Variants in PRORP observed in about 807,000 individuals in gnomAD.
PRORP encodes mitochondrial ribonuclease P catalytic subunit.
In PRORP, 51 loss-of-function variants were observed where a neutral mutation model predicts 59.4. That is an observed-to-expected ratio of 0.86 (90% CI 0.69 to 1.08). PRORP has a LOEUF of 1.08. Ranked by LOEUF, PRORP falls within the 50% of genes least tolerant of loss-of-function variation. The probability of loss-of-function intolerance (pLI) is 0.00; values close to 1 mark genes in which losing one functional copy is unlikely to be tolerated. For missense variants in PRORP, 646 were observed against 690.3 expected, an observed-to-expected ratio of 0.94 and a Z score of 0.72; for synonymous variants, 231 against 245.6, an observed-to-expected ratio of 0.94 and a Z score of 0.55.
chr14:35,159,830 A>G (rs1403281826), intron 4 of PRORP, among the ~76,000 whole-genome samples: 1 of 152,202 alleles, frequency 6.6e-6, no homozygotes, highest in African/African-American at 2.4e-5. Flanking sequence ...TCAGACCCAC[A>G]TCTTTGGACT....
At chr14:35,187,456 C>T (rs2139067775) in intron 5 of PRORP, among the ~76,000 whole-genome samples, 2 of 142,628 alleles carry the variant, frequency 1.4e-5, no homozygotes, top group East Asian at 2.1e-4. Flanking sequence ...GATGGAGTCT[C>T]ACTGTCACCG....
intron 5 of PRORP, among the ~76,000 whole-genome samples, chr14:35,256,869 C>CTTTTTTTTTTTT (rs71121272): frequency 7.3e-6 from 1 of 136,896 alleles, no homozygotes; most frequent in Non-Finnish European, 1.6e-5. Flanking sequence ...TGATAAAATC[C>CTTTTTTTTTTTT]TTTTTTTTTT....
chr14:35,189,013 A>G (rs963519656), intron 5 of PRORP, among the ~76,000 whole-genome samples: 2 of 150,428 alleles, frequency 1.3e-5, no homozygotes, highest in African/African-American at 2.4e-5. Flanking sequence ...GTTTCTTCTA[A>G]GAGTTTTATA....
At chr14:35,258,437 A>G (rs753541983) in intron 5 of PRORP, among the ~76,000 whole-genome samples, 5 of 152,238 alleles carry the variant, frequency 3.3e-5, no homozygotes, top group African/African-American at 4.8e-5. Flanking sequence ...TCAAGGAAAA[A>G]TAATTTTGTG....
At chr14:35,197,715 A>T (rs571833707) in intron 5 of PRORP, among the ~76,000 whole-genome samples, 17 of 152,142 alleles carry the variant, frequency 1.1e-4, no homozygotes, top group Non-Finnish European at 2.4e-4. Context: ...GATACTCCTT[A>T]TTGGTATATT....
At chr14:35,255,994 G>T (rs1315338013) in intron 5 of PRORP, among the ~76,000 whole-genome samples, 2 of 151,886 alleles carry the variant, frequency 1.3e-5, no homozygotes, top group African/African-American at 4.8e-5. Flanking sequence ...AACAAGAAAA[G>T]ATTTTATCAG....
chr14:35,185,313 G>C (rs932683548), intron 5 of PRORP, among the ~76,000 whole-genome samples: 11 of 152,080 alleles, frequency 7.2e-5, no homozygotes, highest in African/African-American at 2.7e-4. Flanking sequence ...TTGGCCACAT[G>C]TTTGTCTTCT....
At chr14:35,225,720 C>G (rs1362139796) in intron 5 of PRORP, among the ~76,000 whole-genome samples, 1 of 151,924 alleles carries the variant, frequency 6.6e-6, no homozygotes, top group East Asian at 1.9e-4. Context: ...AACTGTACAA[C>G]CTGTCTAATC....
At chr14:35,202,024 C>T (rs968900821) in intron 5 of PRORP, among the ~76,000 whole-genome samples, 4 of 149,786 alleles carry the variant, frequency 2.7e-5, no homozygotes, top group African/African-American at 9.9e-5. Flanking sequence ...GGCTGGAGTG[C>T]AGTGGTGTGA....
chr14:35,202,775 A>G (rs1177018107), intron 5 of PRORP, among the ~76,000 whole-genome samples: 1 of 152,088 alleles, frequency 6.6e-6, no homozygotes, highest in African/African-American at 2.4e-5. Context: ...GACAACAGGC[A>G]TGTGCCGCCA....
chr14:35,200,578 G>C (rs2049123542), intron 5 of PRORP, among the ~76,000 whole-genome samples: 2 of 151,752 alleles, frequency 1.3e-5, no homozygotes, highest in South Asian at 4.2e-4. Flanking sequence ...TAAAATTAGT[G>C]TTATATTATT....
chr14:35,244,800 T>C (rs2050446005), intron 5 of PRORP, among the ~76,000 whole-genome samples: 1 of 152,144 alleles, frequency 6.6e-6, no homozygotes, highest in South Asian at 2.1e-4. Flanking sequence ...CCTGCTAACT[T>C]CTTCTTCCCC....
chr14:35,190,768 G>C (rs908365301), intron 5 of PRORP, among the ~76,000 whole-genome samples: 1 of 152,096 alleles, frequency 6.6e-6, no homozygotes, highest in African/African-American at 2.4e-5. Context: ...CTCCCTAAGT[G>C]CTGGGATTAC....
chr14:35,212,730 T>C (rs2139175929), intron 5 of PRORP, among the ~76,000 whole-genome samples: 1 of 152,284 alleles, frequency 6.6e-6, no homozygotes, highest in South Asian at 2.1e-4. Context: ...CCCTAGGATT[T>C]TTGGACTGGT....
At chr14:35,124,302 C>G (rs1201327668) in intron 2 of PRORP, 71 bp downstream of exon 2, 2 of 1,065,186 alleles carry the variant, frequency 1.9e-6, no homozygotes, top group Admixed American at 3.0e-5. Context: ...GGGTCTTGCT[C>G]TGTTGCCCAG....
chr14:35,183,237 C>T (rs2048661925), intron 5 of PRORP, among the ~76,000 whole-genome samples: 1 of 151,826 alleles, frequency 6.6e-6, no homozygotes, highest in Non-Finnish European at 1.5e-5. Flanking sequence ...CACACACACA[C>T]ACGCACACAC....
At chr14:35,132,160 G>T (rs1458241410) in intron 4 of PRORP, among the ~76,000 whole-genome samples, 1 of 151,528 alleles carries the variant, frequency 6.6e-6, no homozygotes, top group Non-Finnish European at 1.5e-5. Flanking sequence ...TTTATCCGTT[G>T]AAGGTTGGAT....
At chr14:35,172,097 G>A (rs919641921) in intron 4 of PRORP, among the ~76,000 whole-genome samples, 3 of 147,660 alleles carry the variant, frequency 2.0e-5, no homozygotes, top group African/African-American at 5.0e-5. Flanking sequence ...TGCCCAAGCT[G>A]GAGTACAGTG....
At chr14:35,132,450 C>T (rs2047268177) in intron 4 of PRORP, among the ~76,000 whole-genome samples, 1 of 150,244 alleles carries the variant, frequency 6.7e-6, no homozygotes, top group Admixed American at 6.6e-5. Context: ...AAGAGCAAAT[C>T]TCCATCTCAA....
Sources: gnomAD v4.1 joint callset for allele counts (sites outside exome capture counted in the v4.1 genomes callset) on GRCh38, gnomAD v4.1.1 for gene constraint, MANE v1.5 for transcripts, NCBI Gene and HGNC (gene_info 2026-07-23, HGNC 2026-07-21) for gene names.